CHODL: variants seen among roughly 807,000 people sequenced by gnomAD.
CHODL encodes transmembrane protein MT75.
Under a neutral mutation model 34.5 loss-of-function variants are expected in CHODL, and 29 were observed. The ratio of observed to expected loss-of-function variants is 0.84; its 90% CI spans 0.63 to 1.15. CHODL has a LOEUF of 1.15. Among genes scored for constraint, CHODL ranks in the 50% most tolerant of loss-of-function variants. CHODL has a pLI of 0.00. For missense variants in CHODL, 332 were observed against 332.5 expected (o/e 1.00, Z 0.01); for synonymous variants, 125 against 116.1 (o/e 1.08, Z -0.49).
At chr21:18,011,421 G>A (rs1456790341) in intron 1 of CHODL, among the ~76,000 whole-genome samples, 1 of 152,098 alleles carries the variant, frequency 6.6e-6, no homozygotes, top group Non-Finnish European at 1.5e-5. Context: ...TGAAGCTTGG[G>A]TTTTGAAGAT....
chr21:18,192,891 AT>A (rs34607561), intron 2 of CHODL, among the ~76,000 whole-genome samples: 8,554 of 152,254 alleles, frequency 0.056, 398 homozygotes, highest in East Asian at 0.22. Flanking sequence ...AAAGAGATTA[AT>A]TTCAAGAATC....
intron 2 of CHODL, among the ~76,000 whole-genome samples, chr21:18,064,185 A>C (rs530119355): frequency 6.6e-6 from 1 of 152,166 alleles, no homozygotes; most frequent in Admixed American, 6.5e-5. Context: ...AGTTATACCC[A>C]TCTCTCCCAT....
chr21:18,002,745 A>G (rs575850412), intron 1 of CHODL, among the ~76,000 whole-genome samples: 275 of 152,250 alleles, frequency 1.8e-3, no homozygotes, highest in Non-Finnish European at 3.2e-3. Flanking sequence ...GATCATGGAA[A>G]TATGGTTTGA....
At chr21:18,173,693 C>A (rs2073258700) in intron 2 of CHODL, among the ~76,000 whole-genome samples, 1 of 152,042 alleles carries the variant, frequency 6.6e-6, no homozygotes, top group African/African-American at 2.4e-5. Flanking sequence ...ATGCTATCTA[C>A]ATTGGTCTTC....
At chr21:18,231,321 C>T (rs1276099251) in intron 2 of CHODL, among the ~76,000 whole-genome samples, 1 of 152,122 alleles carries the variant, frequency 6.6e-6, no homozygotes, top group Non-Finnish European at 1.5e-5. Context: ...CTGCAGTCGC[C>T]TATTTATTTT....
Position 18,218,105 on chromosome 21 carries a change from G to A in CHODL, c.-44-38404G>A, listed in dbSNP as rs568570583. 3.6e-3 allele frequency among the ~76,000 whole-genome samples: 551 copies of A among 152,318 alleles called. 5 individuals carry two copies. The highest frequency in any genetic ancestry group is 0.013 in the African/African-American group (525 of 41,570). On this transcript the variant is annotated intron_variant, in intron 2 of 6. Transcript: ENST00000400127. ...CAGTGGATCTACCATTTGAGGTCTG[G>A]AGGATGGTGGCCCTCTTCTCACAGC...
chr21:18,012,144 T>G (rs920499150), intron 1 of CHODL, among the ~76,000 whole-genome samples: 6 of 152,226 alleles, frequency 3.9e-5, no homozygotes, highest in Non-Finnish European at 7.3e-5. Flanking sequence ...GATTGGTGGA[T>G]GGGCATTTGA....
chr21:17,928,965 C>T (rs1348044948), intron 1 of CHODL, among the ~76,000 whole-genome samples: 2 of 152,142 alleles, frequency 1.3e-5, no homozygotes, highest in Non-Finnish European at 2.9e-5. Context: ...GTATCATAGT[C>T]ACTAGAAATC....
At chr21:18,132,350 T>A (rs774180013) in intron 2 of CHODL, among the ~76,000 whole-genome samples, 24 of 152,180 alleles carry the variant, frequency 1.6e-4, no homozygotes, top group Non-Finnish European at 2.8e-4. Context: ...ATCATCTGAT[T>A]AAGCATTTTG....
intron 4 of CHODL, among the ~76,000 whole-genome samples, chr21:18,262,370 C>T (rs2074392818): frequency 6.6e-6 from 1 of 152,176 alleles, no homozygotes; most frequent in African/African-American, 2.4e-5. Flanking sequence ...TAGCTTACTA[C>T]ACATCTAGGC....
chr21:18,154,777 T>C (rs975184387), intron 2 of CHODL, among the ~76,000 whole-genome samples: 6 of 152,194 alleles, frequency 3.9e-5, no homozygotes, highest in African/African-American at 1.2e-4. Flanking sequence ...GTGTGTTCTG[T>C]AAGTGTATTT....
At chr21:18,014,694 G>C (rs956096014) in intron 1 of CHODL, among the ~76,000 whole-genome samples, 15 of 152,104 alleles carry the variant, frequency 9.9e-5, no homozygotes, top group African/African-American at 3.6e-4. Context: ...TCTCGTTCCT[G>C]CTCTTGCCAT....
At chr21:18,198,990 T>C (rs1002683107) in intron 2 of CHODL, among the ~76,000 whole-genome samples, 1 of 152,136 alleles carries the variant, frequency 6.6e-6, no homozygotes, top group Non-Finnish European at 1.5e-5. Flanking sequence ...TCTACTACCA[T>C]TTTAAATATA....
At chr21:18,207,049 G>T (rs1269636737) in intron 2 of CHODL, among the ~76,000 whole-genome samples, 1 of 151,996 alleles carries the variant, frequency 6.6e-6, no homozygotes, top group Non-Finnish European at 1.5e-5. Flanking sequence ...CCCAACCCCT[G>T]ACAGGCCCTG....
At chr21:18,212,580 C>G (rs190490973) in intron 2 of CHODL, among the ~76,000 whole-genome samples, 1 of 136,016 alleles carries the variant, frequency 7.4e-6, no homozygotes, top group East Asian at 2.0e-4. Context: ...ATTAATAAAG[C>G]CACAGCTAAA....
intron 2 of CHODL, among the ~76,000 whole-genome samples, chr21:18,069,939 C>G (rs1195715068): frequency 6.6e-6 from 1 of 150,806 alleles, no homozygotes; most frequent in Non-Finnish European, 1.5e-5. Flanking sequence ...TCTCTCCCTC[C>G]CTCACTTCTT....
intron 1 of CHODL, among the ~76,000 whole-genome samples, chr21:18,249,173 C>G (rs8128513): frequency 0.014 from 1,948 of 139,806 alleles, 55 homozygotes; most frequent in African/African-American, 0.048. Context: ...GGTTAAAATT[C>G]AGAAGATGCA....
intron 2 of CHODL, among the ~76,000 whole-genome samples, chr21:18,148,995 C>T (rs959876045): frequency 8.6e-5 from 13 of 151,856 alleles, no homozygotes; most frequent in Non-Finnish European, 1.3e-4. Context: ...CCCTTAAGAA[C>T]TGGCCTTCCT....
intron 1 of CHODL, among the ~76,000 whole-genome samples, chr21:17,975,240 T>C (rs115106631): frequency 3.3e-3 from 499 of 152,154 alleles, no homozygotes; most frequent in African/African-American, 0.012. Flanking sequence ...TAATGCATGT[T>C]CTCACAAGTG....
Sources: allele counts gnomAD v4.1 joint callset (sites outside exome capture counted in the v4.1 genomes callset), GRCh38; gene constraint gnomAD v4.1.1; transcripts MANE v1.5; gene names NCBI Gene and HGNC (gene_info 2026-07-23, HGNC 2026-07-21).